The following DCC variants were observed in gnomAD, a reference collection of about 807,000 sequenced individuals.
DCC encodes the protein netrin receptor DCC.
DCC carries 58 observed loss-of-function variants against 172.5 expected under a neutral mutation model. The ratio of observed to expected loss-of-function variants is 0.34; its 90% CI spans 0.27 to 0.42. DCC has a LOEUF of 0.42. DCC is among the 10% of genes least tolerant of loss of function. The pLI is 1.00. For synonymous variants in DCC, 709 were observed against 644.5 expected (o/e 1.10, Z -1.52); for missense variants, 1,740 against 1,791.0 (o/e 0.97, Z 0.51).
At chr18:53,058,940 T>A (rs1199214764) in intron 5 of DCC, among the ~76,000 whole-genome samples, 1 of 152,120 alleles carries the variant, frequency 6.6e-6, no homozygotes. Context: ...CTCATGCTGC[T>A]GATAAATACA....
chr18:52,584,333 G>A (rs1417987006), intron 1 of DCC, among the ~76,000 whole-genome samples: 1 of 152,118 alleles, frequency 6.6e-6, no homozygotes, highest in East Asian at 1.9e-4. Flanking sequence ...TTGGACGAAT[G>A]TTTAGATACA....
chr18:53,425,355 C>CTTTTTT (rs1338640000), intron 21 of DCC, among the ~76,000 whole-genome samples: 49 of 86,534 alleles, frequency 5.7e-4, no homozygotes, highest in Middle Eastern at 6.6e-3. Flanking sequence ...CGTTTCTCCT[C>CTTTTTT]TCTTTTTTTT....
chr18:53,188,708 C>T (rs1026027207), intron 9 of DCC, among the ~76,000 whole-genome samples: 3 of 152,118 alleles, frequency 2.0e-5, no homozygotes, highest in Admixed American at 6.5e-5. Flanking sequence ...CTTTCTGGAG[C>T]CTAGAAGTCC....
intron 1 of DCC, among the ~76,000 whole-genome samples, chr18:52,709,483 AG>A (rs2036260201): frequency 1.3e-5 from 2 of 152,104 alleles, no homozygotes; most frequent in African/African-American, 4.8e-5. Context: ...AGAAGGGCCA[AG>A]AGGCTCATGT....
At chr18:53,503,745 G>T (rs983809037) in intron 27 of DCC, among the ~76,000 whole-genome samples, 3 of 152,138 alleles carry the variant, frequency 2.0e-5, no homozygotes, top group Non-Finnish European at 4.4e-5. Flanking sequence ...AAGAAAATGT[G>T]ATCTCTTAAA....
At chr18:53,190,779 T>C (rs2055354966) in intron 9 of DCC, among the ~76,000 whole-genome samples, 1 of 152,078 alleles carries the variant, frequency 6.6e-6, no homozygotes, top group East Asian at 1.9e-4. Flanking sequence ...ACCCCTTCTC[T>C]ACTAAAAATA....
chr18:52,367,516 T>A (rs1341384972), intron 1 of DCC, among the ~76,000 whole-genome samples: 2 of 152,218 alleles, frequency 1.3e-5, no homozygotes, highest in Non-Finnish European at 2.9e-5. Context: ...ACTGGGAGAT[T>A]TGATCTAATC....
At chr18:53,036,996 A>G (rs963603734) in intron 5 of DCC, among the ~76,000 whole-genome samples, 5 of 152,038 alleles carry the variant, frequency 3.3e-5, no homozygotes, top group Admixed American at 2.6e-4. Context: ...AGCAGGATCC[A>G]TATCAATCCT....
chr18:53,216,638 G>A (rs2055856468), intron 12 of DCC, among the ~76,000 whole-genome samples: 1 of 152,036 alleles, frequency 6.6e-6, no homozygotes, highest in Admixed American at 6.6e-5. Flanking sequence ...GTCATATTTT[G>A]TAAAAAATCT....
intron 12 of DCC, among the ~76,000 whole-genome samples, chr18:53,233,732 C>CT (rs1215670815): frequency 1.3e-5 from 2 of 152,116 alleles, no homozygotes; most frequent in Non-Finnish European, 2.9e-5. Flanking sequence ...TTATAAACAC[C>CT]TTTTTTATGT....
At chr18:52,692,148 G>A (rs2145013960) in intron 1 of DCC, among the ~76,000 whole-genome samples, 1 of 152,176 alleles carries the variant, frequency 6.6e-6, no homozygotes, top group South Asian at 2.1e-4. Flanking sequence ...CTTAGGAGGT[G>A]GGCTTTGGCC....
At chr18:52,372,798 C>A (rs200239450) in intron 1 of DCC, among the ~76,000 whole-genome samples, 1 of 152,124 alleles carries the variant, frequency 6.6e-6, no homozygotes, top group African/African-American at 2.4e-5. Flanking sequence ...GCTGCACATG[C>A]ACTGAATTTG....
At chr18:53,155,964 T>A (rs2054726167) in intron 7 of DCC, among the ~76,000 whole-genome samples, 3 of 152,186 alleles carry the variant, frequency 2.0e-5, no homozygotes, top group Non-Finnish European at 2.9e-5. Context: ...AGTGTAAACA[T>A]GTAGACAGAT....
At position 53,213,647 on chromosome 18, in the gene DCC, C is replaced by CAAAAAA. The variant is rs34284373; in HGVS notation, c.1862-1879_1862-1874dup. Among the ~76,000 whole-genome samples, 15 of 35,370 alleles carry CAAAAAA rather than the reference C, an allele frequency of 4.2e-4. 2 individuals are homozygous for CAAAAAA. Among genetic ancestry groups the CAAAAAA allele is most frequent in the East Asian group, 1.0e-3 (1 of 986 alleles). 23.2% of individuals were successfully genotyped at this position (35,370 alleles called of 152,430 possible). ...TGGGTGACAGAGCGAGACTCCGTCT[C>CAAAAAA]AAAAAAAAAAAAAAAAAAAAAAAAA... On this transcript the variant is annotated intron_variant, in intron 11 of 28. Coordinates refer to ENST00000442544, the MANE Select transcript of DCC (RefSeq NM_005215.4).
At chr18:52,550,348 T>A (rs973017) in intron 1 of DCC, among the ~76,000 whole-genome samples, 148,220 of 152,016 alleles carry the variant, frequency 0.98, 72,389 homozygotes, top group Middle Eastern at 1. Flanking sequence ...GAAAAGAGAT[T>A]AAAAAAAACA....
intron 2 of DCC, among the ~76,000 whole-genome samples, chr18:52,755,290 C>T (rs143315421): frequency 1.3e-5 from 2 of 152,190 alleles, no homozygotes; most frequent in South Asian, 2.1e-4. Context: ...ATGAAAATGG[C>T]CTGTTACATT....
chr18:52,451,535 G>T (rs1016844529), intron 1 of DCC, among the ~76,000 whole-genome samples: 1 of 152,108 alleles, frequency 6.6e-6, no homozygotes, highest in Non-Finnish European at 1.5e-5. Context: ...AATCGGAAAA[G>T]GTTAAAGTAG....
At chr18:53,240,618 A>G (rs192821621) in intron 12 of DCC, among the ~76,000 whole-genome samples, 13 of 152,252 alleles carry the variant, frequency 8.5e-5, no homozygotes, top group Admixed American at 8.5e-4. Flanking sequence ...CTAATTAACA[A>G]TCTAGCCATT....
At chr18:53,342,182 T>TC (rs1426194283) in intron 15 of DCC, among the ~76,000 whole-genome samples, 27 of 152,146 alleles carry the variant, frequency 1.8e-4, no homozygotes, top group Admixed American at 3.3e-4. Flanking sequence ...TATTTGCAGT[T>TC]TAGACACCAG....
Sources: allele counts gnomAD v4.1 joint callset (sites outside exome capture counted in the v4.1 genomes callset), GRCh38; gene constraint gnomAD v4.1.1; transcripts MANE v1.5; gene names NCBI Gene and HGNC (gene_info 2026-07-23, HGNC 2026-07-21).